The following SLC26A7 variants were observed in gnomAD, a reference collection of about 807,000 sequenced individuals.
SLC26A7 encodes solute carrier family 26 member 7.
Under a neutral mutation model 82.5 loss-of-function variants are expected in SLC26A7, and 59 were observed. The observed-to-expected ratio is 0.72, with a 90% CI of 0.58 to 0.89. SLC26A7 has a LOEUF of 0.89. Among genes scored for constraint, SLC26A7 ranks in the 40% least tolerant of loss-of-function variants. The probability of loss-of-function intolerance (pLI) is 0.00; values close to 1 mark genes in which losing one functional copy is unlikely to be tolerated. For missense variants in SLC26A7, 820 were observed against 793.0 expected (o/e 1.03, Z -0.41); for synonymous variants, 271 against 274.3 (o/e 0.99, Z 0.12).
chr8:91,255,503 G>A (rs1810777036), intron 2 of SLC26A7, among the ~76,000 whole-genome samples: 1 of 152,102 alleles, frequency 6.6e-6, no homozygotes, highest in Admixed American at 6.6e-5. Context: ...CTCTAACTTA[G>A]CTCCCTTAAT....
chr8:91,255,767 C>G (rs1217052933), intron 2 of SLC26A7, among the ~76,000 whole-genome samples: 4 of 151,960 alleles, frequency 2.6e-5, no homozygotes, highest in Non-Finnish European at 4.4e-5. Context: ...ATTAAAGGAC[C>G]CTGTATTTAT....
intron 4 of SLC26A7, among the ~76,000 whole-genome samples, chr8:91,312,759 C>A (rs1812525837): frequency 6.6e-6 from 1 of 151,834 alleles, no homozygotes. Flanking sequence ...TGATGTTGAA[C>A]ATGTTTTCAT....
Position 91,249,708 on chromosome 8 carries a change from C to T in SLC26A7, c.57C>T (p.Pro19=), listed in dbSNP as rs139432618. ...TGCTTTGGAGCAAGATGCATACCCC[C>T]CAGTGTGAAGACATTATACAGTGGT... is the stretch of plus-strand genomic sequence containing the variant. The part of the protein sequence containing the change: ...KSMLWSKMHT[P]QCEDIIQWCR... The change falls in exon 2 of 19, where the codon CCC becomes CCT. Residue 19 remains proline, a synonymous_variant. Transcript: ENST00000276609. 4 of 1,596,902 alleles carry T rather than the reference C, an allele frequency of 2.5e-6. No homozygotes were observed. Among genetic ancestry groups the T allele is most frequent in the Non-Finnish European group, 3.4e-6 (4 of 1,172,242 alleles).
At chr8:91,363,321 T>A (rs1814100830) in intron 12 of SLC26A7, 151 bp from the exon 13 acceptor site, 1 of 469,804 alleles carries the variant, frequency 2.1e-6, no homozygotes, top group East Asian at 4.0e-5. Flanking sequence ...GATATATAGA[T>A]TCACCAATGT....
chr8:91,340,036 G>A (rs1813358048), intron 7 of SLC26A7, among the ~76,000 whole-genome samples: 1 of 152,144 alleles, frequency 6.6e-6, no homozygotes, highest in Admixed American at 6.5e-5. Context: ...AGGAGGAAAT[G>A]TAGTCTTCAA....
intron 3 of SLC26A7, among the ~76,000 whole-genome samples, chr8:91,290,792 TTC>T (rs1298403846): frequency 1.3e-5 from 2 of 152,212 alleles, no homozygotes; most frequent in Non-Finnish European, 2.9e-5. Context: ...TACACATATT[TTC>T]TGTTAACATA....
At chr8:91,388,950 T>C (rs914055896) in intron 15 of SLC26A7, among the ~76,000 whole-genome samples, 3 of 151,954 alleles carry the variant, frequency 2.0e-5, no homozygotes, top group Non-Finnish European at 4.4e-5. Flanking sequence ...TAAGGAAACA[T>C]TGTGATATTG....
intron 2 of SLC26A7, among the ~76,000 whole-genome samples, chr8:91,239,648 A>G (rs1810447933): frequency 6.6e-6 from 1 of 152,034 alleles, no homozygotes; most frequent in Non-Finnish European, 1.5e-5. Context: ...GGTCTATACA[A>G]ACTTTCTTAC....
At chr8:91,253,369 C>T (rs1420958842) in intron 2 of SLC26A7, among the ~76,000 whole-genome samples, 1 of 152,074 alleles carries the variant, frequency 6.6e-6, no homozygotes, top group African/African-American at 2.4e-5. Context: ...GTTTCTATCC[C>T]CTCTCATTTT....
intron 11 of SLC26A7, among the ~76,000 whole-genome samples, chr8:91,360,561 C>G (rs1262801277): frequency 1.3e-5 from 2 of 152,090 alleles, no homozygotes; most frequent in African/African-American, 4.8e-5. Context: ...AATAAGTAAG[C>G]ATTTGGAAAG....
intron 1 of SLC26A7, among the ~76,000 whole-genome samples, chr8:91,211,682 A>G (rs565634951): frequency 6.1e-5 from 9 of 148,004 alleles, no homozygotes; most frequent in South Asian, 2.1e-4. Flanking sequence ...TTTGTTAATT[A>G]TCTCTTCAGA....
At chr8:91,306,412 A>G (rs1460216332) in intron 4 of SLC26A7, among the ~76,000 whole-genome samples, 5 of 152,156 alleles carry the variant, frequency 3.3e-5, no homozygotes, top group African/African-American at 9.7e-5. Flanking sequence ...TGATGTATGC[A>G]GGATTCGGGA....
At chr8:91,264,133 T>C (rs980967889) in intron 2 of SLC26A7, among the ~76,000 whole-genome samples, 9 of 152,058 alleles carry the variant, frequency 5.9e-5, no homozygotes, top group Admixed American at 1.3e-4. Flanking sequence ...GCCAGATGCA[T>C]TGGGCTTTGC....
intron 9 of SLC26A7, among the ~76,000 whole-genome samples, chr8:91,349,751 A>G (rs1272626340): frequency 1.3e-5 from 2 of 152,132 alleles, no homozygotes; most frequent in African/African-American, 2.4e-5. Flanking sequence ...TTTCAGGTAC[A>G]TTGTAAAGAT....
chr8:91,311,988 A>C (rs759355465), intron 4 of SLC26A7, among the ~76,000 whole-genome samples: 7 of 152,172 alleles, frequency 4.6e-5, no homozygotes, highest in Middle Eastern at 3.4e-3. Flanking sequence ...TTTTCAGCTT[A>C]TTTCTTTTCC....
At chr8:91,283,969 C>T (rs5003580) in intron 2 of SLC26A7, among the ~76,000 whole-genome samples, 104,723 of 151,846 alleles carry the variant, frequency 0.69, 36,688 homozygotes, top group Non-Finnish European at 0.76. Flanking sequence ...GAGCCCAATA[C>T]TTATAACTAA....
At chr8:91,228,470 G>T (rs1810267263) in intron 2 of SLC26A7, among the ~76,000 whole-genome samples, 1 of 152,220 alleles carries the variant, frequency 6.6e-6, no homozygotes, top group Non-Finnish European at 1.5e-5. Context: ...TATCACTGCA[G>T]ACTAAAGGTG....
chr8:91,361,901 C>T (rs750285783), intron 11 of SLC26A7, among the ~76,000 whole-genome samples: 50 of 152,110 alleles, frequency 3.3e-4, no homozygotes, highest in Admixed American at 1.9e-3. Flanking sequence ...CTTCCTGAGC[C>T]TTATGTATTA....
rs77126308 is a variant in SLC26A7 at position 91,218,302 on chromosome 8, C to G, written c.-149-588C>G. Among the ~76,000 whole-genome samples, 714 of 151,958 alleles carry G rather than the reference C, an allele frequency of 4.7e-3. 6 individuals carry two copies. Among genetic ancestry groups the G allele is most frequent in the African/African-American group, 0.017 (684 of 41,434 alleles). On this transcript the variant is annotated intron_variant, in intron 1 of 5. Coordinates refer to the SLC26A7 transcript ENST00000522862. ...TACCATTATTTCAAACATAAATGGT[C>G]AATATATGTGCACTAAATTGGCTAA...
Sources: gnomAD v4.1 joint callset for allele counts (sites outside exome capture counted in the v4.1 genomes callset) on GRCh38, gnomAD v4.1.1 for gene constraint, MANE v1.5 for transcripts, NCBI Gene and HGNC (gene_info 2026-07-23, HGNC 2026-07-21) for gene names.